EPHA6: variants seen among roughly 807,000 people sequenced by gnomAD.
EPHA6 encodes ephrin type-A receptor 6.
Under a neutral mutation model 112.0 loss-of-function variants are expected in EPHA6, and 50 were observed. The observed-to-expected ratio is 0.45, with a 90% confidence interval of 0.36 to 0.56. The LOEUF (loss-of-function observed/expected upper bound fraction) is 0.56. Ranked by LOEUF, EPHA6 falls within the 20% of genes least tolerant of loss-of-function variation. The pLI is 0.00. For synonymous variants in EPHA6, 529 were observed against 490.7 expected, an observed-to-expected ratio of 1.08 and a Z score of -1.03; for missense variants, 1,280 against 1,417.4, an observed-to-expected ratio of 0.90 and a Z score of 1.56.
chr3:97,107,704 T>C (rs891119031), intron 3 of EPHA6, among the ~76,000 whole-genome samples: 1 of 152,180 alleles, frequency 6.6e-6, no homozygotes, highest in African/African-American at 2.4e-5. Context: ...CTATTTCATG[T>C]CCATGTCTTC....
At position 97,705,591 on chromosome 3, in the gene EPHA6, A is replaced by G. The variant is rs1052739816; in HGVS notation, c.2785-14670A>G. On this transcript the variant is annotated intron_variant, in intron 14 of 17. Coordinates refer to ENST00000389672, the MANE Select transcript of EPHA6 (RefSeq NM_001080448.3). The stretch of plus-strand genomic sequence containing the variant: ...ACAGTCTCTGCCTCAGGGAATTTAT[A>G]ATCTGTACACACACTGAATATTTGG... Among the ~76,000 whole-genome samples the G allele has an allele frequency of 3.9e-5, 6 of 152,334 alleles. No individual in the cohort carries two copies. In the East Asian group the frequency reaches 1.2e-3, roughly 29 times the overall value.
intron 3 of EPHA6, among the ~76,000 whole-genome samples, chr3:97,091,272 A>G (rs1445933457): frequency 6.6e-6 from 1 of 152,146 alleles, no homozygotes; most frequent in Non-Finnish European, 1.5e-5. Context: ...TTTCTATGCC[A>G]TTAGCTCAAA....
chr3:97,134,959 A>G (rs138467119), intron 3 of EPHA6, among the ~76,000 whole-genome samples: 32 of 152,228 alleles, frequency 2.1e-4, no homozygotes, highest in African/African-American at 7.5e-4. Flanking sequence ...TTTAATGACA[A>G]TTGAGTTCCT....
intron 5 of EPHA6, among the ~76,000 whole-genome samples, chr3:97,247,012 G>C (rs1483865759): frequency 6.6e-6 from 1 of 151,910 alleles, no homozygotes; most frequent in Admixed American, 6.6e-5. Flanking sequence ...ATGCCATTTT[G>C]TTCAGTTGTA....
chr3:97,720,682 T>C (rs1470954138), intron 15 of EPHA6, among the ~76,000 whole-genome samples: 1 of 152,232 alleles, frequency 6.6e-6, no homozygotes, highest in African/African-American at 2.4e-5. Flanking sequence ...TGACTGTGTT[T>C]GTGCAATAGC....
intron 2 of EPHA6, among the ~76,000 whole-genome samples, chr3:96,927,977 G>A (rs1323108958): frequency 1.3e-5 from 2 of 152,166 alleles, no homozygotes; most frequent in Non-Finnish European, 2.9e-5. Flanking sequence ...AGGGTGGCAG[G>A]CAAGAAAGCG....
At chr3:97,527,380 C>T (rs1481888414) in intron 10 of EPHA6, among the ~76,000 whole-genome samples, 3 of 152,074 alleles carry the variant, frequency 2.0e-5, no homozygotes, top group African/African-American at 7.2e-5. Context: ...CAAGGGCTCC[C>T]ACAAAGAAAT....
At chr3:97,665,228 C>T (rs1009821856) in intron 14 of EPHA6, among the ~76,000 whole-genome samples, 5 of 152,154 alleles carry the variant, frequency 3.3e-5, no homozygotes, top group Non-Finnish European at 5.9e-5. Flanking sequence ...AAAGGATTCC[C>T]TATTTAACAA....
chr3:97,096,754 T>C (rs2047251812), intron 3 of EPHA6, among the ~76,000 whole-genome samples: 1 of 151,960 alleles, frequency 6.6e-6, no homozygotes, highest in Non-Finnish European at 1.5e-5. Flanking sequence ...AATAAAAATG[T>C]CACTTTTATT....
At chr3:97,538,981 C>CTTTCTT (rs1553805894) in intron 11 of EPHA6, among the ~76,000 whole-genome samples, 4 of 130,240 alleles carry the variant, frequency 3.1e-5, no homozygotes, top group African/African-American at 9.0e-5. Context: ...CACTTTCTCT[C>CTTTCTT]TCTTTCTTTC....
intron 6 of EPHA6, among the ~76,000 whole-genome samples, chr3:97,405,808 T>C (rs758863407): frequency 2.0e-5 from 3 of 152,134 alleles, no homozygotes; most frequent in Non-Finnish European, 4.4e-5. Context: ...GCAAGATAAA[T>C]TCAGTTGACA....
At chr3:97,035,743 T>C (rs2045067316) in intron 3 of EPHA6, among the ~76,000 whole-genome samples, 1 of 152,044 alleles carries the variant, frequency 6.6e-6, no homozygotes, top group South Asian at 2.1e-4. Context: ...TAATATATCT[T>C]GATATGTTAG....
At chr3:97,674,774 C>T (rs1008204597) in intron 14 of EPHA6, among the ~76,000 whole-genome samples, 4 of 152,206 alleles carry the variant, frequency 2.6e-5, no homozygotes, top group African/African-American at 7.2e-5. Flanking sequence ...TCATCTAAAG[C>T]GCATCTCTGA....
chr3:97,756,804 G>C lies in EPHA6; in HGVS notation c.*8103G>C, dbSNP rs184204565. On this transcript the variant is annotated 3_prime_UTR_variant, in exon 18 of 18. Coordinates refer to ENST00000389672, the MANE Select transcript of EPHA6 (RefSeq NM_001080448.3). ...GAGTAACATTTGATGTAAAGATTAT[G>C]GTGTGTGCTTGATTTTGGATACATT... is the stretch of plus-strand genomic sequence containing the variant. 2.7e-3 allele frequency among the ~76,000 whole-genome samples: 416 copies of C among 151,826 alleles called. 1 individual carries two copies. The highest frequency in any genetic ancestry group is 4.7e-3 in the Non-Finnish European group (317 of 67,734).
intron 3 of EPHA6, among the ~76,000 whole-genome samples, chr3:96,995,913 C>T (rs1392761743): frequency 2.0e-5 from 3 of 152,098 alleles, no homozygotes; most frequent in Non-Finnish European, 4.4e-5. Context: ...GATAACACAA[C>T]AATGAAGTTA....
chr3:97,339,924 A>G (rs1450127888), intron 5 of EPHA6, among the ~76,000 whole-genome samples: 1 of 152,206 alleles, frequency 6.6e-6, no homozygotes. Context: ...CTTAGCTCCC[A>G]TTGAGATGTT....
rs192257820 is a variant in EPHA6, at chr3:97,291,815, A to C, written c.1606+47528A>C. On this transcript the variant is annotated intron_variant, in intron 5 of 17. Transcript: ENST00000389672. ...TGACTTAAAGTCTGTTTTATCTTAC[A>C]TAAGTGTCATGGGATCTTTAGGGTG... Among the ~76,000 whole-genome samples the C allele has an allele frequency of 6.4e-4, 98 of 152,276 alleles. 1 individual carries two copies. In the East Asian group the frequency reaches 0.018, roughly 27 times the overall value.
At chr3:97,653,225 T>A (rs2094118310) in intron 14 of EPHA6, among the ~76,000 whole-genome samples, 1 of 151,890 alleles carries the variant, frequency 6.6e-6, no homozygotes, top group South Asian at 2.1e-4. Context: ...AAAAACAACC[T>A]ACAGAATGAG....
At chr3:97,415,489 C>A (rs187259897) in intron 6 of EPHA6, among the ~76,000 whole-genome samples, 2 of 151,978 alleles carry the variant, frequency 1.3e-5, no homozygotes, top group African/African-American at 4.8e-5. Flanking sequence ...AGAGAATATC[C>A]CAGGCAAGAT....
Sources: allele counts gnomAD v4.1 joint callset (sites outside exome capture counted in the v4.1 genomes callset), GRCh38; gene constraint gnomAD v4.1.1; transcripts MANE v1.5; gene names NCBI Gene and HGNC (gene_info 2026-07-23, HGNC 2026-07-21).